The following HFM1 variants were observed in gnomAD, a reference collection of about 807,000 sequenced individuals.
HFM1 encodes helicase for meiosis 1, also known as probable ATP-dependent DNA helicase HFM1.
HFM1 carries 169 observed loss-of-function variants against 192.1 expected under a neutral mutation model. That is an observed-to-expected ratio of 0.88 (90% CI 0.78 to 1.00). The LOEUF (loss-of-function observed/expected upper bound fraction) is 1.00, where lower values mean the gene tolerates loss of function less well. Ranked by LOEUF, HFM1 falls within the 50% of genes least tolerant of loss-of-function variation. The pLI is 0.00. For missense variants in HFM1, 1,661 were observed against 1,668.0 expected (o/e 1.00, Z 0.07); for synonymous variants, 525 against 537.8 (o/e 0.98, Z 0.33).
At chr1:91,370,060 T>C (rs1659949049) in intron 13 of HFM1, among the ~76,000 whole-genome samples, 1 of 152,178 alleles carries the variant, frequency 6.6e-6, no homozygotes, top group Non-Finnish European at 1.5e-5. Context: ...AATCTCTGAA[T>C]AGACCAATAA....
rs558984984 is a variant in HFM1 at position 91,385,237 on chromosome 1, GA to G, written c.755-4del. ...ACCTAAACCATTTTCTGTTACCTCT[GA>G]AAAAAAAATGCTACATATTTATATA... On this transcript the variant is annotated splice_polypyrimidine_tract_variant and splice_region_variant and intron_variant, in intron 5 of 38. Transcript: ENST00000370425. 3.1e-4 allele frequency: 458 copies of G among 1,476,726 alleles called. No homozygotes were observed. Among genetic ancestry groups the G allele is most frequent in the Middle Eastern group, 7.1e-4 (4 of 5,672 alleles). 91.5% of individuals were successfully genotyped at this position (1,476,726 alleles called of 1,614,324 possible).
At position 91,323,217 on chromosome 1, in the gene HFM1, T is replaced by C. The variant is rs1652398078; in HGVS notation, c.2428-18A>G. The C allele has an allele frequency of 5.5e-6, 7 of 1,284,290 alleles. No individual in the cohort carries two copies. The highest frequency in any genetic ancestry group is 3.7e-4 in the Middle Eastern group (2 of 5,410). 79.6% of individuals were successfully genotyped at this position (1,284,290 alleles called of 1,614,324 possible). A position where few individuals can be genotyped will look rare whatever the true frequency, so the allele number is the denominator to read the frequency against. On this transcript the variant is annotated intron_variant, in intron 21 of 38. Transcript: ENST00000370425. ...AATGTAACCTATAACATTTCAGTAG[T>C]TGTCCATTTAATGAAGTCTATTTTT...
intron 13 of HFM1, among the ~76,000 whole-genome samples, chr1:91,364,623 TATATA>T (rs1363795035): frequency 1.1e-4 from 4 of 38,066 alleles, no homozygotes; most frequent in East Asian, 6.6e-4. Flanking sequence ...TATATATATA[TATATA>T]TATATTTTTT....
In HFM1 at chr1:91,380,089, A is replaced by G. The variant is rs1302979764; in HGVS notation, c.1006+15T>C. The G allele has an allele frequency of 8.0e-7, 1 of 1,243,016 alleles. No homozygotes were observed. 77.0% of individuals were successfully genotyped at this position (1,243,016 alleles called of 1,614,324 possible). On this transcript the variant is annotated intron_variant, in intron 8 of 38. Transcript: ENST00000370425. The stretch of plus-strand genomic sequence containing the variant: ...ATTATTATAATTAGTCATCACTCTT[A>G]TAATAAATACTTACTGTAAACAATT...
At chr1:91,294,194 TATAATA>T (rs1020751504) in intron 30 of HFM1, among the ~76,000 whole-genome samples, 25 of 150,186 alleles carry the variant, frequency 1.7e-4, no homozygotes, top group Admixed American at 4.6e-4. Context: ...AAACTTAAAG[TATAATA>T]ATAATAAATA....
rs72968489 is a variant in HFM1, at chr1:91,326,496, T to C, written c.2336-1730A>G. Among the ~76,000 whole-genome samples the C allele has an allele frequency of 2.3e-3, 356 of 152,264 alleles. 1 individual carries two copies. The highest frequency in any genetic ancestry group is 8.0e-3 in the African/African-American group (334 of 41,548). ...AAAGAAAAAAAAAACCCTTTTACTC[T>C]AGAATAGTATATCTGCTGAAAATAT... On this transcript the variant is annotated intron_variant, in intron 20 of 38. Transcript: ENST00000370425.
intron 36 of HFM1, 67 bp from the exon 37 acceptor site, chr1:91,262,659 A>T: frequency 1.0e-6 from 1 of 953,580 alleles, no homozygotes; most frequent in African/African-American, 1.7e-5. Flanking sequence ...TTTGGATCAT[A>T]ATGATTTTTG....
chr1:91,370,846 G>C (rs1232377230), intron 13 of HFM1, among the ~76,000 whole-genome samples: 1 of 152,058 alleles, frequency 6.6e-6, no homozygotes, highest in Admixed American at 6.6e-5. Flanking sequence ...AAAACCCCAT[G>C]TTCCCAGCGC....
At chr1:91,401,817 A>G (rs1448377513) in intron 1 of HFM1, among the ~76,000 whole-genome samples, 2 of 152,076 alleles carry the variant, frequency 1.3e-5, no homozygotes, top group African/African-American at 2.4e-5. Flanking sequence ...TAATTTTTGC[A>G]CTCAGAGATA....
chr1:91,400,480 C>CTTTTTTTTTTT (rs112090967), intron 2 of HFM1, among the ~76,000 whole-genome samples: 7 of 139,056 alleles, frequency 5.0e-5, no homozygotes, highest in Non-Finnish European at 6.3e-5. Flanking sequence ...AGGCAAGAAT[C>CTTTTTTTTTTT]TTTTTTTTTT....
intron 28 of HFM1, among the ~76,000 whole-genome samples, chr1:91,314,562 AT>A (rs796731177): frequency 6.6e-6 from 1 of 151,950 alleles, no homozygotes; most frequent in Non-Finnish European, 1.5e-5. Context: ...CCAATCCCTA[AT>A]TTTTTTAATT....
chr1:91,404,849 T>C (rs1664721837), upstream of HFM1: 3 of 455,596 alleles, frequency 6.6e-6, no homozygotes, highest in Non-Finnish European at 1.3e-5. Flanking sequence ...TCAGCCCCTC[T>C]GAGGACCGCC....
chr1:91,297,130 C>A (rs1301332354), intron 30 of HFM1, among the ~76,000 whole-genome samples: 3 of 152,222 alleles, frequency 2.0e-5, no homozygotes, highest in African/African-American at 7.2e-5. Flanking sequence ...GCAAACGGCA[C>A]ACCAGGAGAT....
intron 35 of HFM1, among the ~76,000 whole-genome samples, chr1:91,267,244 A>G (rs1665853375): frequency 6.6e-6 from 1 of 152,156 alleles, no homozygotes; most frequent in Non-Finnish European, 1.5e-5. Flanking sequence ...TACAGGAGAA[A>G]CTAATCTTTC....
intron 36 of HFM1, among the ~76,000 whole-genome samples, chr1:91,263,794 C>G (rs972983261): frequency 4.6e-5 from 7 of 152,176 alleles, no homozygotes; most frequent in Non-Finnish European, 8.8e-5. Flanking sequence ...TTTTCCCCAG[C>G]AGCAACTTCT....
intron 20 of HFM1, among the ~76,000 whole-genome samples, chr1:91,333,635 A>T (rs1438908269): frequency 6.6e-6 from 1 of 152,232 alleles, no homozygotes; most frequent in Admixed American, 6.5e-5. Flanking sequence ...GACTGTCTGT[A>T]ACACAAAGGA....
chr1:91,372,854 C>G (rs1283413427), intron 13 of HFM1, among the ~76,000 whole-genome samples: 1 of 152,046 alleles, frequency 6.6e-6, no homozygotes, highest in Non-Finnish European at 1.5e-5. Flanking sequence ...TTCTTTCTAC[C>G]TCTCAGACTT....
rs147124936 is a variant in HFM1, at chr1:91,319,315, T to C, written c.2658A>G (p.Arg886=). 1.2e-6 allele frequency: 2 copies of C among 1,611,146 alleles called. No homozygotes were observed. The highest frequency in any genetic ancestry group is 1.3e-5 in the African/African-American group (1 of 74,848). ...TACATCTTGTAATTCGGGAGCCATG[T>C]CTGAAAATCTTTGCGGTATCTTGTG... is the stretch of plus-strand genomic sequence containing the variant. ...ALTQDTAKIF[R]HGSRITRWLS... Residue 886 remains arginine, a synonymous_variant, in exon 24 of 39, where the codon AGA becomes AGG. Transcript: ENST00000370425.
chr1:91,390,497 AGAAT>A (rs1319616340), intron 4 of HFM1, among the ~76,000 whole-genome samples: 1 of 152,098 alleles, frequency 6.6e-6, no homozygotes, highest in Non-Finnish European at 1.5e-5. Flanking sequence ...AGGGAGGGAA[AGAAT>A]GAAAGACTGA....
Sources: gnomAD v4.1 joint callset for allele counts (sites outside exome capture counted in the v4.1 genomes callset) on GRCh38, gnomAD v4.1.1 for gene constraint, MANE v1.5 for transcripts, NCBI Gene and HGNC (gene_info 2026-07-23, HGNC 2026-07-21) for gene names.